The following TAF1 variants were observed in gnomAD, a reference collection of about 807,000 sequenced individuals.
TAF1 encodes TATA-box binding protein associated factor 1, also known as transcription initiation factor TFIID subunit 1.
Under a neutral mutation model 138.5 loss-of-function variants are expected in TAF1, and 2 were observed. The observed-to-expected ratio is 0.01, with a 90% CI of 0.01 to 0.05. The LOEUF (loss-of-function observed/expected upper bound fraction) is 0.05, where lower values mean the gene tolerates loss of function less well. Ranked by LOEUF, TAF1 falls within the 10% of genes least tolerant of loss-of-function variation. The pLI, the probability that TAF1 is intolerant of heterozygous loss-of-function variation, is 1.00. For synonymous variants in TAF1, 437 were observed against 503.2 expected, an observed-to-expected ratio of 0.87 and a Z score of 1.76; for missense variants, 709 against 1,478.0, an observed-to-expected ratio of 0.48 and a Z score of 8.53.
At chrX:71,458,440 T>C in intron 35 of TAF1, 74 bp downstream of exon 35, 1 of 1,123,471 alleles carries the variant, frequency 8.9e-7, no homozygotes, top group Admixed American at 2.5e-5. Flanking sequence ...GTGATGGTGA[T>C]GGTGATATGT....
chrX:71,412,539 CTGTGAACATTT>C (rs995617148), intron 28 of TAF1, among the ~76,000 whole-genome samples: 7 of 112,319 alleles, frequency 6.2e-5, no homozygotes, highest in African/African-American at 2.3e-4. Flanking sequence ...AATAATGCAT[CTGTGAACATTT>C]TGTGAACATT....
intron 13 of TAF1, among the ~76,000 whole-genome samples, chrX:71,503,142 G>A (rs2039542015): frequency 9.5e-6 from 1 of 105,071 alleles, no homozygotes; most frequent in African/African-American, 3.5e-5. Flanking sequence ...GTGGTGGTGT[G>A]TGCCTGTAAT....
intron 13 of TAF1, among the ~76,000 whole-genome samples, chrX:71,489,764 G>A (rs1301944551): frequency 8.9e-6 from 1 of 112,242 alleles, no homozygotes; most frequent in Non-Finnish European, 1.9e-5. Flanking sequence ...AACAGAGCTG[G>A]TATTACAGAC....
chrX:71,429,050 C>G (rs772212957), intron 32 of TAF1, among the ~76,000 whole-genome samples: 6 of 110,600 alleles, frequency 5.4e-5, no homozygotes, highest in African/African-American at 2.0e-4. Flanking sequence ...CTGAGGTGGG[C>G]GGATCACAAG....
At chrX:71,457,544 T>C (rs2038360593) in intron 34 of TAF1, among the ~76,000 whole-genome samples, 1 of 112,194 alleles carries the variant, frequency 8.9e-6, no homozygotes, top group Non-Finnish European at 1.9e-5. Context: ...CCCTGTTCTT[T>C]CCAGGGCAGA....
At chrX:71,421,656 C>G (rs1021320685) in intron 29 of TAF1, among the ~76,000 whole-genome samples, 2 of 111,688 alleles carry the variant, frequency 1.8e-5, no homozygotes, top group Non-Finnish European at 3.8e-5. Flanking sequence ...TTAGAAAGGG[C>G]AAAGGAAAGT....
chrX:71,456,923 C>A (rs976722556), intron 34 of TAF1, among the ~76,000 whole-genome samples: 51 of 110,540 alleles, frequency 4.6e-4, no homozygotes, highest in African/African-American at 1.6e-3. Flanking sequence ...CCACCTCGGC[C>A]TCCCAAAGTG....
At chrX:71,481,555 T>C (rs776998624) in intron 13 of TAF1, among the ~76,000 whole-genome samples, 9 of 111,350 alleles carry the variant, frequency 8.1e-5, no homozygotes, top group Non-Finnish European at 1.5e-4. Context: ...TTGATGTTTT[T>C]TGTTTTCGTT....
intron 13 of TAF1, among the ~76,000 whole-genome samples, chrX:71,483,773 T>C (rs2039118575): frequency 1.2e-5 from 1 of 81,661 alleles, no homozygotes; most frequent in African/African-American, 4.7e-5. Flanking sequence ...TCTCTCTCTC[T>C]CTCTCTCTAT....
At chrX:71,520,181 T>C (rs2039906107) in intron 13 of TAF1, among the ~76,000 whole-genome samples, 1 of 105,708 alleles carries the variant, frequency 9.5e-6, no homozygotes, top group South Asian at 4.3e-4. Context: ...TCTCGCTCTG[T>C]TGCCCAGGCT....
At chrX:71,489,461 G>A (rs996402714) in intron 13 of TAF1, among the ~76,000 whole-genome samples, 21 of 111,101 alleles carry the variant, frequency 1.9e-4, no homozygotes, top group African/African-American at 6.9e-4. Context: ...CGGATCACCC[G>A]AGACTGAGAG....
chrX:71,386,143 A>G (rs1253506126), intron 14 of TAF1, among the ~76,000 whole-genome samples: 4 of 108,192 alleles, frequency 3.7e-5, no homozygotes, highest in Non-Finnish European at 5.8e-5. Flanking sequence ...CCTGGGCAAC[A>G]AGAGCGAAAC....
intron 13 of TAF1, among the ~76,000 whole-genome samples, chrX:71,508,623 G>GA (rs1253004367): frequency 1.4e-3 from 103 of 75,270 alleles, no homozygotes; most frequent in East Asian, 5.1e-3. Context: ...AAAAAAAAAA[G>GA]AAAAAAAAAA....
intron 32 of TAF1, among the ~76,000 whole-genome samples, chrX:71,425,816 C>T (rs1030035965): frequency 1.8e-5 from 2 of 111,770 alleles, no homozygotes; most frequent in Non-Finnish European, 3.8e-5. Context: ...TGAGTACTTA[C>T]ATGCGCTGGC....
intron 13 of TAF1, among the ~76,000 whole-genome samples, chrX:71,514,747 G>C (rs898182580): frequency 2.7e-5 from 3 of 111,834 alleles, no homozygotes; most frequent in African/African-American, 9.8e-5. Context: ...GGAGGGAGAT[G>C]ATGGGCCACA....
chrX:71,381,649 A>G, intron 8 of TAF1, 94 bp from the exon 9 acceptor site: 5 of 995,085 alleles, frequency 5.0e-6, no homozygotes, highest in Non-Finnish European at 7.0e-6. Context: ...TCGCTCTACT[A>G]ACATGAGTAA....
intron 13 of TAF1, among the ~76,000 whole-genome samples, chrX:71,515,913 T>G (rs1223656430): frequency 1.8e-5 from 2 of 111,539 alleles, no homozygotes; most frequent in Non-Finnish European, 3.8e-5. Flanking sequence ...TAAAAAGGAC[T>G]GGGCTCTTCA....
chrX:71,513,937 C>G (rs776064990), intron 13 of TAF1, among the ~76,000 whole-genome samples: 1 of 111,415 alleles, frequency 9.0e-6, no homozygotes, highest in East Asian at 2.8e-4. Context: ...TAAAATGGAC[C>G]AATCAGCAGG....
intron 32 of TAF1, among the ~76,000 whole-genome samples, chrX:71,425,527 TTAAGATA>T (rs1178589439): frequency 5.4e-5 from 6 of 111,130 alleles, no homozygotes; most frequent in African/African-American, 1.6e-4. Flanking sequence ...GCCTGAAGTC[TTAAGATA>T]TTTGGGAGGC....
Sources: gnomAD v4.1 joint callset for allele counts (sites outside exome capture counted in the v4.1 genomes callset) on GRCh38, gnomAD v4.1.1 for gene constraint, MANE v1.5 for transcripts, NCBI Gene and HGNC (gene_info 2026-07-23, HGNC 2026-07-21) for gene names.